Variants in PDE1C observed in about 807,000 individuals in gnomAD.
PDE1C encodes phosphodiesterase 1C.
A neutral mutation model predicts 93.1 loss-of-function variants in PDE1C; 62 were observed. The observed-to-expected ratio is 0.67, with a 90% CI of 0.54 to 0.82. The LOEUF is 0.82. PDE1C is among the 40% of genes least tolerant of loss of function. The pLI is 0.00. For synonymous variants in PDE1C, 325 were observed against 310.1 expected (o/e 1.05, Z -0.50); for missense variants, 742 against 884.6 (o/e 0.84, Z 2.04).
At chr7:31,905,392 T>C (rs1216188467) in intron 2 of PDE1C, among the ~76,000 whole-genome samples, 1 of 152,204 alleles carries the variant, frequency 6.6e-6, no homozygotes, top group Non-Finnish European at 1.5e-5. Context: ...CATCTATTTT[T>C]ACAAAACTTT....
chr7:32,024,717 C>G (rs563233868), intron 2 of PDE1C, among the ~76,000 whole-genome samples: 18 of 152,070 alleles, frequency 1.2e-4, no homozygotes, highest in Admixed American at 1.2e-3. Context: ...GTTCTGTGAG[C>G]TCTCGGAAGC....
At chr7:31,782,973 T>TA (rs1413781283) in intron 16 of PDE1C, among the ~76,000 whole-genome samples, 21 of 152,228 alleles carry the variant, frequency 1.4e-4, no homozygotes, top group Non-Finnish European at 5.9e-5. Flanking sequence ...TTAGGCATAT[T>TA]AAATGCATTT....
intron 1 of PDE1C, among the ~76,000 whole-genome samples, chr7:32,263,758 C>A (rs1358847343): frequency 6.6e-6 from 1 of 152,104 alleles, no homozygotes; most frequent in Non-Finnish European, 1.5e-5. Context: ...ACCCTCCCCC[C>A]AACACTTTTT....
In PDE1C at chr7:32,174,266, C is replaced by T. The variant is rs186222009; in HGVS notation, c.137-4310G>A. 3.0e-4 allele frequency among the ~76,000 whole-genome samples: 46 copies of T among 152,150 alleles called. 1 individual carries two copies. Among genetic ancestry groups the T allele is most frequent in the African/African-American group, 1.1e-3 (44 of 41,508 alleles). ...CTTCATTTTTTTCATTCAGTAAACACATATTGAATTCCCTCAATGTGCCAG... is the reference window on the plus strand; with the variant it reads ...CTTCATTTTTTTCATTCAGTAAACATATATTGAATTCCCTCAATGTGCCAG... On this transcript the variant is annotated intron_variant, in intron 2 of 18. Coordinates refer to the PDE1C transcript ENST00000396193.
In PDE1C at chr7:31,909,891, A is replaced by G. The variant is rs941082022; in HGVS notation, c.129-29031T>C. On this transcript the variant is annotated intron_variant, in intron 2 of 17. Transcript: ENST00000396191. The stretch of plus-strand genomic sequence containing the variant: ...GCACCATTAACATTTTGGACTAGAT[A>G]ACTCTTTGTTGTGGGGGCTGTCCCA... 1.3e-4 allele frequency among the ~76,000 whole-genome samples: 19 copies of G among 149,156 alleles called. No individual in the cohort carries two copies. The South Asian group carries it at 4.0e-3, about 31-fold the overall frequency.
intron 1 of PDE1C, among the ~76,000 whole-genome samples, chr7:32,059,611 C>G (rs1178393502): frequency 6.6e-6 from 1 of 152,176 alleles, no homozygotes; most frequent in Non-Finnish European, 1.5e-5. Context: ...AAAATTCCAG[C>G]ACTTGGACTC....
At position 31,968,086 on chromosome 7, in the gene PDE1C, A is replaced by G. The variant is rs1378027888; in HGVS notation, c.128+83468T>C. 2.6e-5 allele frequency among the ~76,000 whole-genome samples: 4 copies of G among 152,286 alleles called. No homozygotes were observed. In the South Asian group the frequency reaches 8.3e-4, roughly 32 times the overall value. On this transcript the variant is annotated intron_variant, in intron 2 of 17. Coordinates refer to ENST00000396191, the MANE Select transcript of PDE1C (RefSeq NM_001191057.4). ...CCCTCTCTCACCACTCCTATTCAAC[A>G]TAGTGTTGGAAGTTCTGGCCAGGGC...
At chr7:32,001,925 G>A (rs971369458) in intron 2 of PDE1C, among the ~76,000 whole-genome samples, 4 of 152,146 alleles carry the variant, frequency 2.6e-5, no homozygotes, top group South Asian at 2.1e-4. Flanking sequence ...TGAGCGTTGT[G>A]GCAGGTTCCT....
At chr7:31,635,802 A>C in the PDE1C span, among the ~76,000 whole-genome samples, 1 of 152,138 alleles carries the variant, frequency 6.6e-6, no homozygotes, top group African/African-American at 2.4e-5. Flanking sequence ...GAGGAGAGGA[A>C]CAGGAAAAAT....
At chr7:32,297,823 C>G (rs1049431197) in intron 1 of PDE1C, among the ~76,000 whole-genome samples, 3 of 152,100 alleles carry the variant, frequency 2.0e-5, no homozygotes, top group East Asian at 1.9e-4. Flanking sequence ...TATGATCCCC[C>G]CTCCCTGCGG....
At chr7:32,097,845 A>G (rs1027240245) in intron 3 of PDE1C, among the ~76,000 whole-genome samples, 4 of 152,138 alleles carry the variant, frequency 2.6e-5, no homozygotes, top group African/African-American at 9.7e-5. Flanking sequence ...CCTTCATCCT[A>G]TGGTACTCTT....
chr7:32,235,045 A>C (rs1489174279), intron 1 of PDE1C, among the ~76,000 whole-genome samples: 2 of 152,082 alleles, frequency 1.3e-5, no homozygotes, highest in African/African-American at 4.8e-5. Context: ...TTTTGACAAA[A>C]TTAAACATCT....
At chr7:31,803,834 T>A (rs1251087807) in intron 16 of PDE1C, among the ~76,000 whole-genome samples, 2 of 152,042 alleles carry the variant, frequency 1.3e-5, no homozygotes, top group Non-Finnish European at 2.9e-5. Context: ...TCTTTGCTAT[T>A]GTGAATAGTG....
intron 12 of PDE1C, among the ~76,000 whole-genome samples, chr7:31,825,429 G>C (rs1052943524): frequency 3.3e-5 from 5 of 152,100 alleles, no homozygotes; most frequent in African/African-American, 4.8e-5. Flanking sequence ...ACTGACTAGG[G>C]AGTAGGGATT....
At chr7:31,911,443 C>G (rs902305056) in intron 2 of PDE1C, among the ~76,000 whole-genome samples, 1 of 152,128 alleles carries the variant, frequency 6.6e-6, no homozygotes, top group Non-Finnish European at 1.5e-5. Flanking sequence ...TTTTCCTACA[C>G]GGCCCCTCCT....
chr7:32,209,489 G>T (rs761707049), exon 2 of PDE1C: 3 of 1,571,712 alleles, frequency 1.9e-6, no homozygotes, highest in South Asian at 2.4e-5. Flanking sequence ...ATTTACTCAC[G>T]AGAGAAGCGG....
chr7:31,697,160 C>G, the PDE1C span: 1 of 1,606,622 alleles, frequency 6.2e-7, no homozygotes, highest in South Asian at 1.1e-5. Flanking sequence ...GTGATGGGGA[C>G]AGGTCAAGAA....
intron 1 of PDE1C, among the ~76,000 whole-genome samples, chr7:32,332,791 A>T (rs955097760): frequency 6.6e-6 from 1 of 152,348 alleles, no homozygotes; most frequent in East Asian, 1.9e-4. Context: ...TGCAAAATAC[A>T]GTATTCTATG....
chr7:32,090,888 C>T (rs1229659485), intron 3 of PDE1C, among the ~76,000 whole-genome samples: 1 of 152,166 alleles, frequency 6.6e-6, no homozygotes, highest in Non-Finnish European at 1.5e-5. Context: ...TGTGTGTTAA[C>T]CTAGTTTGCT....
Sources: allele counts gnomAD v4.1 joint callset (sites outside exome capture counted in the v4.1 genomes callset), GRCh38; gene constraint gnomAD v4.1.1; transcripts MANE v1.5; gene names NCBI Gene and HGNC (gene_info 2026-07-23, HGNC 2026-07-21).